Variants in MYBPC1 observed in about 807,000 individuals in gnomAD.
MYBPC1 encodes the protein myosin-binding protein C, slow-type.
MYBPC1 carries 52 observed loss-of-function variants against 147.1 expected under a neutral mutation model. That is an observed-to-expected ratio of 0.35 (90% CI 0.28 to 0.45). MYBPC1 has a LOEUF of 0.45. MYBPC1 is among the 20% of genes least tolerant of loss of function. The pLI is 1.00. For missense variants in MYBPC1, 1,228 were observed against 1,440.3 expected (o/e 0.85, Z 2.39); for synonymous variants, 477 against 475.9 (o/e 1.00, Z -0.03).
chr12:101,684,437 A>G lies in MYBPC1; in HGVS notation c.*19+13A>G. 6.4e-7 allele frequency: 1 copy of G among 1,573,926 alleles called. No individual in the cohort carries two copies. The highest frequency in any genetic ancestry group is 1.1e-5 in the South Asian group (1 of 90,322). On this transcript the variant is annotated intron_variant, in intron 31 of 31. Coordinates refer to ENST00000361466, the MANE Select transcript of MYBPC1 (RefSeq NM_002465.4). ...AATATCATCTAAGGTAAGCTTTCAT[A>G]TGGTTTTGGCATATGAAGCTTATGA...
At chr12:101,693,155 C>G in the MYBPC1 span, among the ~76,000 whole-genome samples, 52 of 152,150 alleles carry the variant, frequency 3.4e-4, no homozygotes, top group South Asian at 9.6e-3. Flanking sequence ...ACCGTGTTAG[C>G]CAGGATGGTC....
At chr12:101,607,706 A>G (rs1472420397) in intron 1 of MYBPC1, among the ~76,000 whole-genome samples, 1 of 152,188 alleles carries the variant, frequency 6.6e-6, no homozygotes, top group Non-Finnish European at 1.5e-5. Flanking sequence ...AATGGTATAT[A>G]AGGGCCCATA....
the MYBPC1 span, among the ~76,000 whole-genome samples, chr12:101,695,100 A>G: frequency 1.3e-5 from 2 of 152,150 alleles, no homozygotes; most frequent in African/African-American, 4.8e-5. Flanking sequence ...AGTGGTTGTA[A>G]CCATCTACTC....
At chr12:101,670,498 A>G in intron 24 of MYBPC1, 89 bp downstream of exon 24, 4 of 1,105,942 alleles carry the variant, frequency 3.6e-6, no homozygotes, top group Admixed American at 3.4e-5. Flanking sequence ...TAAGTTCATC[A>G]TGATTCAGGA....
At chr12:101,695,268 GT>G in the MYBPC1 span, among the ~76,000 whole-genome samples, 1 of 152,146 alleles carries the variant, frequency 6.6e-6, no homozygotes, top group African/African-American at 2.4e-5. Flanking sequence ...GTACTATGTT[GT>G]TTCTAATAAC....
At chr12:101,689,750 G>A (rs748425407), downstream of MYBPC1, among the ~76,000 whole-genome samples, 4 of 152,196 alleles carry the variant, frequency 2.6e-5, no homozygotes, top group Non-Finnish European at 5.9e-5. Flanking sequence ...TGTAGTTGAA[G>A]GCCTGAGAGC....
chr12:101,648,062 A>G lies in MYBPC1; in HGVS notation c.1108A>G (p.Thr370Ala). The G allele has an allele frequency of 1.2e-6, 2 of 1,612,340 alleles. No homozygotes were observed. Among genetic ancestry groups the G allele is most frequent in the Non-Finnish European group, 1.7e-6 (2 of 1,178,516 alleles). Residue 370 changes from threonine to alanine, a missense_variant, in exon 14 of 32, where the codon ACC becomes GCC. By Grantham distance (58) the Thr-to-Ala change is moderately conservative (BLOSUM62 0). Coordinates refer to ENST00000361466, the MANE Select transcript of MYBPC1 (RefSeq NM_002465.4). ...LFVREPPIMV[T>A]KQLEDTTAYC... ...TATACTAGAGCCTCCAATTATGGTG[A>G]CCAAACAGCTGGAAGATACAACTGC...
chr12:101,681,567 TATATATATATATATATATATATA>T, intron 29 of MYBPC1, among the ~76,000 whole-genome samples: 2 of 18,332 alleles, frequency 1.1e-4, no homozygotes, highest in Non-Finnish European at 2.4e-4. Flanking sequence ...TATATATATA[TATATATATATATATATATATATA>T]TATTTTTTTT....
Position 101,632,005 on chromosome 12 carries a change from A to G in MYBPC1, c.439-16A>G. ...AATAAACTGAAATGTGTGTGTCTGG[A>G]TGCATTTCATTGCAGGTGTACACAT... On this transcript the variant is annotated splice_polypyrimidine_tract_variant and intron_variant, in intron 7 of 31. Coordinates refer to ENST00000361466, the MANE Select transcript of MYBPC1 (RefSeq NM_002465.4). The G allele has an allele frequency of 6.4e-7, 1 of 1,559,878 alleles. No homozygotes were observed. Among genetic ancestry groups the G allele is most frequent in the Non-Finnish European group, 8.8e-7 (1 of 1,130,532 alleles).
intron 13 of MYBPC1, among the ~76,000 whole-genome samples, 166 bp from the exon 14 acceptor site, chr12:101,647,877 ACT>A (rs1342475161): frequency 6.6e-6 from 1 of 152,124 alleles, no homozygotes; most frequent in Non-Finnish European, 1.5e-5. Flanking sequence ...GCAGAGTGAG[ACT>A]CTGTCTCAAA....
downstream of MYBPC1, among the ~76,000 whole-genome samples, chr12:101,689,345 A>G (rs868519480): frequency 5.9e-5 from 9 of 152,324 alleles, no homozygotes; most frequent in South Asian, 6.2e-4. Context: ...TACACTGGTG[A>G]CTGCAGAGAT....
At chr12:101,622,896 A>T (rs958247215) in intron 3 of MYBPC1, among the ~76,000 whole-genome samples, 3 of 152,294 alleles carry the variant, frequency 2.0e-5, no homozygotes, top group East Asian at 3.9e-4. Context: ...CTGTTGGGTG[A>T]TCTAGACGAA....
intron 24 of MYBPC1, among the ~76,000 whole-genome samples, chr12:101,670,683 G>A (rs957294976): frequency 1.3e-5 from 2 of 152,154 alleles, no homozygotes; most frequent in Non-Finnish European, 2.9e-5. Context: ...GGGCAGGGAA[G>A]AAACATCAAG....
intron 16 of MYBPC1, 111 bp from the exon 17 acceptor site, chr12:101,652,567 T>C: frequency 1.3e-6 from 1 of 755,944 alleles, no homozygotes; most frequent in Non-Finnish European, 2.4e-6. Context: ...TCTCCCTCTC[T>C]TTCCTGCACT....
At chr12:101,675,256 GT>G in intron 25 of MYBPC1, 35 bp from the exon 26 acceptor site, 1 of 1,613,300 alleles carries the variant, frequency 6.2e-7, no homozygotes, top group Non-Finnish European at 8.5e-7. Flanking sequence ...GGGAAAGAAA[GT>G]GACCTTGCAG....
chr12:101,666,922 C>CACACACACAT (rs1565989426), intron 22 of MYBPC1: 1 of 405,018 alleles, frequency 2.5e-6, no homozygotes, highest in African/African-American at 2.0e-5. Flanking sequence ...CACACACACA[C>CACACACACAT]ACACACATAC....
chr12:101,625,171 C>G (rs1223153958), intron 3 of MYBPC1, among the ~76,000 whole-genome samples: 1 of 145,730 alleles, frequency 6.9e-6, no homozygotes, highest in Non-Finnish European at 1.5e-5. Context: ...CACACTGTAA[C>G]TTATAGTTCC....
At position 101,644,648 on chromosome 12, in the gene MYBPC1, T is replaced by C. The variant is rs1333875645; in HGVS notation, c.833-16T>C. The C allele has an allele frequency of 1.0e-5, 16 of 1,605,052 alleles. No individual in the cohort carries two copies. Among genetic ancestry groups the C allele is most frequent in the Non-Finnish European group, 1.3e-5 (15 of 1,171,828 alleles). On this transcript the variant is annotated splice_polypyrimidine_tract_variant and intron_variant, in intron 11 of 31. Coordinates refer to ENST00000361466, the MANE Select transcript of MYBPC1 (RefSeq NM_002465.4). Reference sequence around the variant, plus strand: ...ATACATATATTAACATACTTTTGCTTCTTCTATTCTATCAGCTTTTGCAAA... The same window carrying C: ...ATACATATATTAACATACTTTTGCTCCTTCTATTCTATCAGCTTTTGCAAA...
chr12:101,675,198 C>G, intron 25 of MYBPC1, 94 bp from the exon 26 acceptor site: 3 of 1,510,960 alleles, frequency 2.0e-6, no homozygotes, highest in East Asian at 2.4e-5. Context: ...CCTCCTGTAA[C>G]AGAGGAAAGG....
Sources: allele counts gnomAD v4.1 joint callset (sites outside exome capture counted in the v4.1 genomes callset), GRCh38; gene constraint gnomAD v4.1.1; transcripts MANE v1.5; gene names NCBI Gene and HGNC (gene_info 2026-07-23, HGNC 2026-07-21).